The following PRKCA variants were observed in gnomAD, a reference collection of about 807,000 sequenced individuals.
PRKCA encodes protein kinase C alpha type.
Under a neutral mutation model 87.0 loss-of-function variants are expected in PRKCA, and 27 were observed. That is an observed-to-expected ratio of 0.31 (90% CI 0.23 to 0.43). PRKCA has a LOEUF of 0.43. PRKCA is among the 20% of genes least tolerant of loss of function. PRKCA has a pLI of 1.00. For missense variants in PRKCA, 518 were observed against 852.3 expected (o/e 0.61, Z 4.88); for synonymous variants, 329 against 311.1 (o/e 1.06, Z -0.61).
chr17:66,686,263 C>G (rs1351465118), intron 5 of PRKCA, among the ~76,000 whole-genome samples: 1 of 152,094 alleles, frequency 6.6e-6, no homozygotes, highest in Non-Finnish European at 1.5e-5. Context: ...ATGGCCTTTC[C>G]TTCTAATTAT....
intron 13 of PRKCA, among the ~76,000 whole-genome samples, chr17:66,754,953 C>A (rs77841612): frequency 1.3e-5 from 2 of 151,982 alleles, no homozygotes; most frequent in Non-Finnish European, 2.9e-5. Flanking sequence ...AACAGTCACA[C>A]TGGGGGTTAG....
chr17:66,483,334 C>G (rs1915863134), intron 2 of PRKCA, among the ~76,000 whole-genome samples: 1 of 152,138 alleles, frequency 6.6e-6, no homozygotes, highest in South Asian at 2.1e-4. Flanking sequence ...CTGGTGGTTT[C>G]CCGGCAATCT....
intron 2 of PRKCA, among the ~76,000 whole-genome samples, chr17:66,394,560 G>A (rs1910550628): frequency 6.6e-6 from 1 of 152,152 alleles, no homozygotes; most frequent in South Asian, 2.1e-4. Context: ...GTGAAATCCT[G>A]TTGTAAAGGG....
intron 2 of PRKCA, among the ~76,000 whole-genome samples, chr17:66,436,200 G>T (rs1040501702): frequency 6.6e-6 from 1 of 152,198 alleles, no homozygotes; most frequent in Non-Finnish European, 1.5e-5. Flanking sequence ...TGGCATTGAT[G>T]TTGAATGAAA....
rs555902002 is a variant in PRKCA, at chr17:66,781,499, C to T, written c.1606-5368C>T. On this transcript the variant is annotated intron_variant, in intron 14 of 16. Transcript: ENST00000413366. Reference sequence around the variant, plus strand: ...TTGTCTTATGCTTTGGAGATGGTCTCGGTTGTTTGTTTCCACAGCAGGACC... The same window carrying T: ...TTGTCTTATGCTTTGGAGATGGTCTTGGTTGTTTGTTTCCACAGCAGGACC... Among the ~76,000 whole-genome samples the T allele has an allele frequency of 2.0e-4, 30 of 152,264 alleles. 1 individual carries two copies. In the South Asian group the frequency reaches 5.2e-3, roughly 26 times the overall value.
In PRKCA at chr17:66,302,829, G is replaced by T; in HGVS notation, c.-23G>T. 6.5e-7 allele frequency: 1 copy of T among 1,546,906 alleles called. No individual in the cohort carries two copies. The highest frequency in any genetic ancestry group is 1.2e-5 in the South Asian group (1 of 84,858). On this transcript the variant is annotated 5_prime_UTR_variant, in exon 1 of 17. Transcript: ENST00000413366. Reference sequence around the variant, plus strand: ...CCGCGGCCGCAGCTCCCCGGCGGAGGCAAGAGGTGGTTGGGGGGGACCATG... The same window carrying T: ...CCGCGGCCGCAGCTCCCCGGCGGAGTCAAGAGGTGGTTGGGGGGGACCATG...
chr17:66,360,761 G>A (rs1908343931), intron 2 of PRKCA, among the ~76,000 whole-genome samples: 1 of 152,172 alleles, frequency 6.6e-6, no homozygotes, highest in African/African-American at 2.4e-5. Context: ...GGATAATGCA[G>A]GTTCTTGGCC....
chr17:66,803,962 A>G lies in PRKCA; in HGVS notation c.1944A>G (p.Ile648Met), dbSNP rs759461144. The G allele has an allele frequency of 6.2e-7, 1 of 1,614,070 alleles. No individual in the cohort carries two copies. The highest frequency in any genetic ancestry group is 1.1e-5 in the South Asian group (1 of 91,080). Residue 648 changes from isoleucine (I) to methionine (M), a missense_variant, in exon 17 of 17, where the codon ATA becomes ATG. Coordinates refer to ENST00000413366, the MANE Select transcript of PRKCA (RefSeq NM_002737.3). The surrounding 1 kb of genome is among the most constrained non-coding windows in gnomAD (Gnocchi z 4.4). ...TPPDQLVIAN[I>M]DQSDFEGFSY... Reference sequence around the variant, plus strand: ...CTGATCAGCTGGTTATTGCTAACATAGACCAGTCTGATTTTGAAGGGTTCT... The same window carrying G: ...CTGATCAGCTGGTTATTGCTAACATGGACCAGTCTGATTTTGAAGGGTTCT...
chr17:66,418,121 G>A (rs1037127033), intron 2 of PRKCA, among the ~76,000 whole-genome samples: 34 of 152,182 alleles, frequency 2.2e-4, no homozygotes, highest in African/African-American at 8.2e-4. Flanking sequence ...CATTTGGAAG[G>A]ACGTGCAGGT....
intron 2 of PRKCA, among the ~76,000 whole-genome samples, chr17:66,463,931 C>T (rs1914972167): frequency 6.6e-6 from 1 of 152,176 alleles, no homozygotes; most frequent in Non-Finnish European, 1.5e-5. Context: ...GGTGTATCTT[C>T]TGTGAGTTGT....
intron 2 of PRKCA, among the ~76,000 whole-genome samples, chr17:66,408,184 G>A (rs1911533512): frequency 6.6e-6 from 1 of 152,212 alleles, no homozygotes; most frequent in African/African-American, 2.4e-5. Context: ...GGCAACTATA[G>A]GTTGATAGCG....
chr17:66,537,239 A>T (rs1352687848), intron 3 of PRKCA, among the ~76,000 whole-genome samples: 1 of 152,200 alleles, frequency 6.6e-6, no homozygotes, highest in East Asian at 1.9e-4. Flanking sequence ...CAGGTCCACC[A>T]AAGTAAATTA....
intron 8 of PRKCA, among the ~76,000 whole-genome samples, chr17:66,699,087 T>G (rs890727063): frequency 6.6e-6 from 1 of 150,822 alleles, no homozygotes; most frequent in Non-Finnish European, 1.5e-5. Flanking sequence ...TAGTCCCAGC[T>G]ACTTAGAGGG....
intron 2 of PRKCA, among the ~76,000 whole-genome samples, chr17:66,373,910 T>G (rs1271383725): frequency 6.6e-6 from 1 of 152,150 alleles, no homozygotes; most frequent in Non-Finnish European, 1.5e-5. Context: ...CCGGGAGCCC[T>G]TAGAGTTAAT....
intron 9 of PRKCA, among the ~76,000 whole-genome samples, chr17:66,735,237 G>T (rs951084014): frequency 6.6e-6 from 1 of 152,220 alleles, no homozygotes; most frequent in Admixed American, 6.5e-5. Flanking sequence ...AGCCAAAATA[G>T]TGCCATTATG....
At chr17:66,312,174 G>GT (rs371993294) in intron 2 of PRKCA, among the ~76,000 whole-genome samples, 11 of 152,274 alleles carry the variant, frequency 7.2e-5, no homozygotes, top group African/African-American at 2.6e-4. Context: ...TAGAGACGGA[G>GT]TTTCACCATA....
chr17:66,746,160 T>TTTA (rs1437518051), intron 13 of PRKCA, among the ~76,000 whole-genome samples: 1 of 129,758 alleles, frequency 7.7e-6, no homozygotes, highest in East Asian at 2.1e-4. Flanking sequence ...CTTGCTTTTT[T>TTTA]TTTTTTTTTT....
intron 2 of PRKCA, among the ~76,000 whole-genome samples, chr17:66,474,415 T>C (rs1279170753): frequency 6.6e-6 from 1 of 152,064 alleles, no homozygotes; most frequent in Non-Finnish European, 1.5e-5. Flanking sequence ...GGAAGAGGAG[T>C]CAGCCTAGCT....
At chr17:66,373,468 G>A (rs1378537090) in intron 2 of PRKCA, among the ~76,000 whole-genome samples, 4 of 152,204 alleles carry the variant, frequency 2.6e-5, no homozygotes, top group African/African-American at 9.7e-5. Context: ...TGGGGCAGTA[G>A]CTACACACTT....
Sources: gnomAD v4.1 joint callset for allele counts (sites outside exome capture counted in the v4.1 genomes callset) on GRCh38, gnomAD v4.1.1 for gene constraint, Gnocchi (gnomAD v3.1) non-coding constraint, MANE v1.5 for transcripts, NCBI Gene and HGNC (gene_info 2026-07-23, HGNC 2026-07-21) for gene names.